The following TRPV1 variants were observed in gnomAD, a reference collection of about 807,000 sequenced individuals.
TRPV1 encodes the protein OTRPC1.
Under a neutral mutation model 82.3 loss-of-function variants are expected in TRPV1, and 82 were observed. The ratio of observed to expected loss-of-function variants is 1.00; its 90% confidence interval spans 0.83 to 1.20. The LOEUF is 1.20. TRPV1 is among the 50% of genes most tolerant of loss of function. The pLI, the probability that TRPV1 is intolerant of heterozygous loss-of-function variation, is 0.00. For synonymous variants in TRPV1, 515 were observed against 467.7 expected (o/e 1.10, Z -1.30); for missense variants, 1,067 against 1,096.8 (o/e 0.97, Z 0.38).
intron 7 of TRPV1, 38 bp downstream of exon 7, chr17:3,589,769 C>T (rs776628909): frequency 1.3e-6 from 2 of 1,580,724 alleles, no homozygotes; most frequent in South Asian, 2.4e-5. Flanking sequence ...TGCCATCAGC[C>T]CCGCACCGCA....
intron 11 of TRPV1, among the ~76,000 whole-genome samples, chr17:3,579,432 G>A (rs2074976344): frequency 6.6e-6 from 1 of 151,984 alleles, no homozygotes; most frequent in Admixed American, 6.6e-5. Flanking sequence ...TTGAGGCTCT[G>A]GCTTACTTTC....
At chr17:3,585,959 C>T (rs762137803) in intron 8 of TRPV1, 33 bp from the exon 9 acceptor site, 12 of 1,612,516 alleles carry the variant, frequency 7.4e-6, no homozygotes, top group Non-Finnish European at 9.3e-6. Flanking sequence ...AGGTTCCCTC[C>T]TGCAGCAGGA....
At chr17:3,603,895 A>G (rs1356119044) in intron 2 of TRPV1, among the ~76,000 whole-genome samples, 1 of 152,148 alleles carries the variant, frequency 6.6e-6, no homozygotes, top group Admixed American at 6.5e-5. Context: ...GTGCTATACA[A>G]ATCCCCTAGC....
rs373818918 is a variant in TRPV1 at position 3,583,449 on chromosome 17, T to C, written c.1384-19A>G. On this transcript the variant is annotated intron_variant, in intron 9 of 16. Transcript: ENST00000572705. ...AGGGAGGCTGTGAGATGCAGAGAAG[T>C]TGGTAACTCCATTTACTCATTCGTT... 2.6e-6 allele frequency: 4 copies of C among 1,565,584 alleles called. No homozygotes were observed. Among genetic ancestry groups the C allele is most frequent in the Admixed American group, 3.6e-5 (2 of 55,066 alleles).
chr17:3,592,633 C>T (rs1727974818), intron 2 of TRPV1: 1 of 490,400 alleles, frequency 2.0e-6, no homozygotes, highest in Admixed American at 3.5e-5. Context: ...GGAGGGTGGA[C>T]AGGCCCCCGG....
At position 3,588,176 on chromosome 17, in the gene TRPV1, C is replaced by T. The variant is rs1444004654; in HGVS notation, c.1224+12G>A. ...CCCTGAGGCCCTCCCTGGCTGTGCC[C>T]CAGCCACTCACAGGGGTCTCGCTGC... On this transcript the variant is annotated intron_variant, in intron 8 of 16. Transcript: ENST00000572705. 1.3e-6 allele frequency: 2 copies of T among 1,550,992 alleles called. No homozygotes were observed. Among genetic ancestry groups the T allele is most frequent in the African/African-American group, 1.4e-5 (1 of 73,096 alleles).
chr17:3,591,151 GGCTGGGGCCCTCCCCGAGCCCAGC>G lies in TRPV1; in HGVS notation c.451+12_451+35del, dbSNP rs761821344. ...ATAAGGGAGGGTCAGGGCAGGCCAG[GGCTGGGGCCCTCCCCGAGCCCAGC>G]GCTGGGGCCACCTTTGAACTCGTTG... is the stretch of plus-strand genomic sequence containing the variant. On this transcript the variant is annotated intron_variant, in intron 4 of 16. Transcript: ENST00000572705. 14 of 1,609,666 alleles carry G rather than the reference GGCTGGGGCCCTCCCCGAGCCCAGC, an allele frequency of 8.7e-6. No individual in the cohort carries two copies. Among genetic ancestry groups the G allele is most frequent in the Non-Finnish European group, 1.1e-5 (13 of 1,178,190 alleles).
Position 3,572,128 on chromosome 17 carries a change from C to A in TRPV1, c.2225G>T (p.Cys742Phe). The A allele has an allele frequency of 6.2e-7, 1 of 1,613,124 alleles. No individual in the cohort carries two copies. Among genetic ancestry groups the A allele is most frequent in the South Asian group, 1.1e-5 (1 of 90,974 alleles). ...TPDGKDDYRWCFRVDEVNWTT... is the reference protein window; with the variant it reads ...TPDGKDDYRWFFRVDEVNWTT... ...GGTGGAGCCTGGGCATTACCTGAAG[C>A]ACCACCGGTAGTCGTCCTTGCCATC... The change falls in exon 15 of 17, where the codon TGC becomes TTC. Residue 742 changes from cysteine to phenylalanine, a missense_variant. Coordinates refer to ENST00000572705, the MANE Select transcript of TRPV1 (RefSeq NM_080704.4).
In TRPV1 at chr17:3,585,786, G is replaced by C; in HGVS notation, c.1365C>G (p.Tyr455Ter). The change falls in exon 9 of 17, where the codon TAC (tyrosine) becomes TAG (stop). Residue 455 changes from tyrosine to a stop codon, truncating the protein, a stop_gained. Coordinates refer to ENST00000572705, the MANE Select transcript of TRPV1 (RefSeq NM_080704.4). LOFTEE classifies it high-confidence loss of function. The part of the protein sequence containing the change: ...YMIIFTMAAY[Y>*]RPVDGLPPFK... ...GCCGCACCAAGCCATCCACGGGCCT[G>C]TAGTAGGCAGCCATGGTGAAGATGA... 1 of 1,613,530 alleles carries C rather than the reference G, an allele frequency of 6.2e-7. No homozygotes were observed. The highest frequency in any genetic ancestry group is 8.5e-7 in the Non-Finnish European group (1 of 1,179,706).
intron 2 of TRPV1, chr17:3,602,120 TAAGGA>T (rs1020578788): frequency 6.6e-6 from 1 of 152,168 alleles, no homozygotes; most frequent in African/African-American, 2.4e-5. Flanking sequence ...GTTTTACTGA[TAAGGA>T]AAGAAGCACA....
At position 3,566,613 on chromosome 17, in the gene TRPV1, G is replaced by T; in HGVS notation, c.*202C>A. On this transcript the variant is annotated 3_prime_UTR_variant, in exon 17 of 17. Transcript: ENST00000572705. ...AAAGTCTGTTAGGAGATTCACTTGG[G>T]GACAGTGACGGTTGGATGTACATCA... The T allele has an allele frequency of 1.8e-6, 1 of 554,848 alleles. No homozygotes were observed. The highest frequency in any genetic ancestry group is 3.1e-6 in the Non-Finnish European group (1 of 324,162). The allele number at this position is 554,848 out of a possible 1,614,324, so 34.4% of individuals were successfully genotyped here.
rs1248160097 is a variant in TRPV1, at chr17:3,577,596, A to G, written c.1713+2T>C. 6.4e-7 allele frequency: 1 copy of G among 1,572,038 alleles called. No individual in the cohort carries two copies. The highest frequency in any genetic ancestry group is 1.4e-5 in the African/African-American group (1 of 73,818). ...AGACCCACTGGGGCCCAGGGAACCC[A>G]CCTTCTCTATCATGACGGCATAGAT... On this transcript the variant is annotated splice_donor_variant, in intron 12 of 16. Coordinates refer to ENST00000572705, the MANE Select transcript of TRPV1 (RefSeq NM_080704.4). LOFTEE classifies it high-confidence loss of function.
At chr17:3,591,161 C>T (rs753948452) in intron 4 of TRPV1, 26 bp downstream of exon 4, 2 of 1,608,580 alleles carry the variant, frequency 1.2e-6, no homozygotes. Context: ...GGCTGGGGCC[C>T]TCCCCGAGCC....
chr17:3,591,932 G>A (rs935772624), intron 3 of TRPV1, 135 bp downstream of exon 3: 41 of 1,303,616 alleles, frequency 3.1e-5, no homozygotes, highest in South Asian at 7.7e-5. Flanking sequence ...GAGGAAGGAC[G>A]CTGGACCAGA....
intron 13 of TRPV1, among the ~76,000 whole-genome samples, 176 bp from the exon 14 acceptor site, chr17:3,574,131 C>G (rs948218664): frequency 5.9e-5 from 9 of 152,170 alleles, no homozygotes; most frequent in African/African-American, 1.9e-4. Context: ...AGAACTTTAT[C>G]ATCATCTGCT....
intron 2 of TRPV1, among the ~76,000 whole-genome samples, chr17:3,601,533 C>T (rs1044180059): frequency 3.3e-5 from 5 of 152,030 alleles, no homozygotes; most frequent in African/African-American, 1.2e-4. Flanking sequence ...TCTTCAAGTG[C>T]GAGGTGAGCC....
At position 3,585,819 on chromosome 17, in the gene TRPV1, C is replaced by G. The variant is rs1326661044; in HGVS notation, c.1332G>C (p.Leu444=). 1.9e-6 allele frequency: 3 copies of G among 1,613,828 alleles called. No homozygotes were observed. The highest frequency in any genetic ancestry group is 2.5e-6 in the Non-Finnish European group (3 of 1,179,846). ...IFYFNFLVYC[L]YMIIFTMAAY... ...CAGCCATGGTGAAGATGATCATGTA[C>G]AGGCAGTAGACCAGGAAGTTGAAGT... Residue 444 remains leucine, a synonymous_variant, in exon 9 of 17, where the codon CTG becomes CTC. Coordinates refer to ENST00000572705, the MANE Select transcript of TRPV1 (RefSeq NM_080704.4).
chr17:3,605,180 C>A (rs2075288852), intron 2 of TRPV1, among the ~76,000 whole-genome samples: 1 of 152,104 alleles, frequency 6.6e-6, no homozygotes. Context: ...ATCTATCTCT[C>A]CATGTGTGAA....
intron 11 of TRPV1, among the ~76,000 whole-genome samples, chr17:3,579,589 C>T (rs780515069): frequency 2.0e-5 from 3 of 152,214 alleles, no homozygotes; most frequent in Non-Finnish European, 4.4e-5. Flanking sequence ...AATTCTCCCA[C>T]CTCAGCCTCC....
Sources: gnomAD v4.1 joint callset for allele counts (sites outside exome capture counted in the v4.1 genomes callset) on GRCh38, gnomAD v4.1.1 for gene constraint, MANE v1.5 for transcripts, NCBI Gene and HGNC (gene_info 2026-07-23, HGNC 2026-07-21) for gene names.